Variants in SYNDIG1L observed in about 807,000 individuals in gnomAD.
SYNDIG1L encodes the protein synapse differentiation inducing 1 like, also known as synapse differentiation-inducing gene protein 1-like.
SYNDIG1L carries 13 observed loss-of-function variants against 20.1 expected under a neutral mutation model. The observed-to-expected ratio is 0.65, with a 90% CI of 0.42 to 1.03. SYNDIG1L has a LOEUF of 1.03. Ranked by LOEUF, SYNDIG1L falls within the 50% of genes least tolerant of loss-of-function variation. SYNDIG1L has a pLI of 0.00. For synonymous variants in SYNDIG1L, 128 were observed against 129.3 expected (o/e 0.99, Z 0.07); for missense variants, 294 against 305.1 (o/e 0.96, Z 0.27).
At chr14:74,448,599 A>C in the SYNDIG1L span, among the ~76,000 whole-genome samples, 4 of 152,208 alleles carry the variant, frequency 2.6e-5, no homozygotes, top group Non-Finnish European at 5.9e-5. Flanking sequence ...AAGTACACAG[A>C]GACCATTTAC....
chr14:74,449,020 C>T, the SYNDIG1L span, among the ~76,000 whole-genome samples: 2 of 151,918 alleles, frequency 1.3e-5, no homozygotes, highest in Non-Finnish European at 2.9e-5. Context: ...TCACTTGAGG[C>T]CAGGAGTTCA....
At chr14:74,419,264 T>C (rs1417514971) in intron 1 of SYNDIG1L, among the ~76,000 whole-genome samples, 1 of 152,216 alleles carries the variant, frequency 6.6e-6, no homozygotes, top group Non-Finnish European at 1.5e-5. Flanking sequence ...TCTATTTATA[T>C]ATGTGTGATT....
intron 1 of SYNDIG1L, among the ~76,000 whole-genome samples, chr14:74,420,350 C>T (rs1302699223): frequency 7.0e-6 from 1 of 142,092 alleles, no homozygotes. Context: ...GAACCAAGAT[C>T]ATGCCACCCA....
chr14:74,473,396 A>AATAAATAT, the SYNDIG1L span, among the ~76,000 whole-genome samples: 6 of 152,234 alleles, frequency 3.9e-5, no homozygotes, highest in African/African-American at 1.4e-4. Context: ...AAAATAAATA[A>AATAAATAT]ATAAATATAT....
At chr14:74,436,878 A>G in the SYNDIG1L span, among the ~76,000 whole-genome samples, 1 of 144,906 alleles carries the variant, frequency 6.9e-6, no homozygotes, top group African/African-American at 2.6e-5. Context: ...AGCTCAGCTC[A>G]GGGGTTTCCT....
Position 74,409,801 on chromosome 14 carries a change from C to A in SYNDIG1L, c.-57G>T. 2.2e-6 allele frequency: 3 copies of A among 1,385,082 alleles called. No individual in the cohort carries two copies. Among genetic ancestry groups the A allele is most frequent in the Non-Finnish European group, 2.8e-6 (3 of 1,063,368 alleles). The allele number at this position is 1,385,082 out of a possible 1,614,324, so 85.8% of individuals were successfully genotyped here. ...TGGGCCAGCTGAGCAGTCCTCAGAG[C>A]CTGTCAGAAGAGCAAGACAGACAAG... On this transcript the variant is annotated splice_region_variant and 5_prime_UTR_variant, in exon 2 of 4. Transcript: ENST00000331628.
At chr14:74,417,053 C>T (rs1005266853) in intron 1 of SYNDIG1L, among the ~76,000 whole-genome samples, 3 of 152,200 alleles carry the variant, frequency 2.0e-5, no homozygotes, top group Non-Finnish European at 2.9e-5. Flanking sequence ...TTGTTCTGAA[C>T]GCCATGCCAA....
intron 1 of SYNDIG1L, 79 bp from the exon 2 acceptor site, chr14:74,409,880 C>T: frequency 8.7e-7 from 1 of 1,150,422 alleles, no homozygotes; most frequent in African/African-American, 1.6e-5. Context: ...AGCATGGGTC[C>T]TGCAGTCTGA....
chr14:74,434,790 G>A, the SYNDIG1L span, among the ~76,000 whole-genome samples: 2 of 151,844 alleles, frequency 1.3e-5, no homozygotes, highest in African/African-American at 4.8e-5. Context: ...AAATCTAGGG[G>A]AAGCTGGCAG....
chr14:74,424,342 A>G (rs997616162), intron 1 of SYNDIG1L, among the ~76,000 whole-genome samples: 1 of 152,072 alleles, frequency 6.6e-6, no homozygotes, highest in Admixed American at 6.5e-5. Flanking sequence ...CTCCCAGTTA[A>G]ATGCTTTTAT....
chr14:74,462,237 A>T, the SYNDIG1L span, among the ~76,000 whole-genome samples: 1 of 151,786 alleles, frequency 6.6e-6, no homozygotes, highest in Non-Finnish European at 1.5e-5. Flanking sequence ...TAATCCCAGC[A>T]CTTTGGGAGG....
the SYNDIG1L span, among the ~76,000 whole-genome samples, chr14:74,471,599 C>CACACACACACACACACACAT: frequency 1.3e-5 from 2 of 149,590 alleles, no homozygotes; most frequent in African/African-American, 5.0e-5. Context: ...CCCTATCTCA[C>CACACACACACACACACACAT]ACACACACAC....
the SYNDIG1L span, among the ~76,000 whole-genome samples, chr14:74,448,631 C>G: frequency 2.0e-5 from 3 of 152,028 alleles, no homozygotes; most frequent in Non-Finnish European, 2.9e-5. Flanking sequence ...ATATTTTGGG[C>G]CATAAATCAA....
At chr14:74,432,180 T>TGTGTGTGTGTGGGA in the SYNDIG1L span, among the ~76,000 whole-genome samples, 1 of 124,072 alleles carries the variant, frequency 8.1e-6, no homozygotes, top group Non-Finnish European at 1.6e-5. Context: ...TGTGTGTGTG[T>TGTGTGTGTGTGGGA]GAGAGAGAGA....
Position 74,409,358 on chromosome 14 carries a change from C to T in SYNDIG1L, c.387G>A (p.Arg129=). Residue 129 remains arginine (R), a synonymous_variant, in exon 2 of 4, where the codon CGG becomes CGA. Transcript: ENST00000331628. ...TVSYGVQEEL[R]DQEDDQEEEE... ...CTTCCTCCTGGTCATCCTCCTGGTC[C>T]CGCAGCTCCTCTTGTACCCCATAGG... 2.5e-6 allele frequency: 4 copies of T among 1,577,914 alleles called. No homozygotes were observed. Among genetic ancestry groups the T allele is most frequent in the Non-Finnish European group, 3.4e-6 (4 of 1,161,970 alleles).
At chr14:74,462,028 G>A in the SYNDIG1L span, among the ~76,000 whole-genome samples, 1 of 143,486 alleles carries the variant, frequency 7.0e-6, no homozygotes, top group Admixed American at 7.0e-5. Flanking sequence ...GGAGGTTGCA[G>A]TGAGCCGAGT....
upstream of SYNDIG1L, among the ~76,000 whole-genome samples, chr14:74,427,626 C>T (rs2086276851): frequency 6.6e-6 from 1 of 152,214 alleles, no homozygotes; most frequent in Non-Finnish European, 1.5e-5. Context: ...ATTGCTCTTC[C>T]TGTCTCTGCC....
At position 74,406,016 on chromosome 14, in the gene SYNDIG1L, G is replaced by C; in HGVS notation, c.*1519C>G. 1 of 398,974 alleles carries C rather than the reference G, an allele frequency of 2.5e-6. No homozygotes were observed. Among genetic ancestry groups the C allele is most frequent in the Non-Finnish European group, 4.4e-6 (1 of 226,340 alleles). 24.7% of individuals were successfully genotyped at this position (398,974 alleles called of 1,614,324 possible). The stretch of plus-strand genomic sequence containing the variant: ...GAGGCAGGGGAGGACAGTGGGACAA[G>C]GGATGCTCAGTGGTGGAGCCACAGC... On this transcript the variant is annotated 3_prime_UTR_variant, in exon 4 of 4. Transcript: ENST00000331628.
intron 1 of SYNDIG1L, among the ~76,000 whole-genome samples, chr14:74,411,465 C>T (rs1340285150): frequency 2.6e-5 from 4 of 152,158 alleles, no homozygotes; most frequent in African/African-American, 4.8e-5. Context: ...CCCAGGGCTG[C>T]GATTATCTAG....
Sources: gnomAD v4.1 joint callset for allele counts (sites outside exome capture counted in the v4.1 genomes callset) on GRCh38, gnomAD v4.1.1 for gene constraint, MANE v1.5 for transcripts, NCBI Gene and HGNC (gene_info 2026-07-23, HGNC 2026-07-21) for gene names.